Variants in ZDHHC20 observed in about 807,000 individuals in gnomAD.
ZDHHC20 encodes the protein zDHHC palmitoyltransferase 20.
Under a neutral mutation model 57.8 loss-of-function variants are expected in ZDHHC20, and 43 were observed. The observed-to-expected ratio is 0.74, with a 90% CI of 0.58 to 0.96. The LOEUF is 0.96. ZDHHC20 is among the 40% of genes least tolerant of loss of function. The pLI is 0.00. For synonymous variants in ZDHHC20, 157 were observed against 153.0 expected (o/e 1.03, Z -0.19); for missense variants, 391 against 441.1 (o/e 0.89, Z 1.02).
chr13:21,390,576 A>C (rs1206994087), intron 8 of ZDHHC20, among the ~76,000 whole-genome samples: 4 of 152,190 alleles, frequency 2.6e-5, no homozygotes, highest in Non-Finnish European at 5.9e-5. Context: ...ATGCCAGTTA[A>C]ATGTGTTTAA....
At chr13:21,442,236 T>A (rs910314563) in intron 1 of ZDHHC20, among the ~76,000 whole-genome samples, 4 of 152,224 alleles carry the variant, frequency 2.6e-5, no homozygotes, top group Admixed American at 2.6e-4. Context: ...CATTTTTTCC[T>A]CCAATCCTTT....
At chr13:21,381,963 T>G in intron 10 of ZDHHC20, 1 of 518,772 alleles carries the variant, frequency 1.9e-6, no homozygotes, top group South Asian at 1.4e-5. Flanking sequence ...GAAAAAATGA[T>G]TCAGTGATTT....
At chr13:21,445,186 T>C (rs1316052420) in intron 1 of ZDHHC20, among the ~76,000 whole-genome samples, 6 of 152,058 alleles carry the variant, frequency 3.9e-5, no homozygotes, top group Non-Finnish European at 7.4e-5. Context: ...TTATAACAAA[T>C]ATAATGAAAG....
chr13:21,424,021 C>CTTTGTT (rs950545114), intron 2 of ZDHHC20, among the ~76,000 whole-genome samples: 5 of 151,926 alleles, frequency 3.3e-5, no homozygotes, highest in Non-Finnish European at 5.9e-5. Context: ...TATTTCCTTT[C>CTTTGTT]TTCATGAAAA....
Position 21,433,022 on chromosome 13 carries a change from T to C in ZDHHC20, c.119-7344A>G, listed in dbSNP as rs569711563. Among the ~76,000 whole-genome samples, 11 of 152,378 alleles carry C rather than the reference T, an allele frequency of 7.2e-5. 1 individual carries two copies. The highest frequency in any genetic ancestry group is 2.1e-4 in the South Asian group (1 of 4,830). On this transcript the variant is annotated intron_variant, in intron 1 of 12. Coordinates refer to ENST00000400590, the MANE Select transcript of ZDHHC20 (RefSeq NM_001330059.2). ...CAGATACTACAGTCTTGATTACATA[T>C]AGCTTTCAGTAAATCTTGAAATCAG... is the stretch of plus-strand genomic sequence containing the variant.
intron 7 of ZDHHC20, among the ~76,000 whole-genome samples, chr13:21,392,568 A>C (rs1196536541): frequency 6.6e-6 from 1 of 152,208 alleles, no homozygotes; most frequent in Non-Finnish European, 1.5e-5. Flanking sequence ...AATGAATGAA[A>C]ACAGCTTCTC....
Position 21,381,408 on chromosome 13 carries a change from G to A in ZDHHC20, c.1060+26C>T, listed in dbSNP as rs901087555. ...GTGCTTTTCATTTGAACCAGACAAA[G>A]CAGTGTTTCAAATGAGAACTATTAC... On this transcript the variant is annotated intron_variant, in intron 11 of 12. Coordinates refer to ENST00000400590, the MANE Select transcript of ZDHHC20 (RefSeq NM_001330059.2). 6.6e-6 allele frequency: 10 copies of A among 1,512,586 alleles called. No homozygotes were observed. In the African/African-American group the frequency reaches 1.1e-4, roughly 17 times the overall value. The allele number at this position is 1,512,586 out of a possible 1,614,324, so 93.7% of individuals were successfully genotyped here.
intron 10 of ZDHHC20, among the ~76,000 whole-genome samples, chr13:21,382,638 T>TGCCCAA (rs1388662519): frequency 6.6e-6 from 1 of 152,212 alleles, no homozygotes; most frequent in Non-Finnish European, 1.5e-5. Flanking sequence ...CTCCCCAGCT[T>TGCCCAA]GCCCAGACAT....
At chr13:21,434,261 C>T (rs1415024252) in intron 1 of ZDHHC20, among the ~76,000 whole-genome samples, 1 of 152,136 alleles carries the variant, frequency 6.6e-6, no homozygotes, top group Admixed American at 6.5e-5. Flanking sequence ...ATTGAGAATT[C>T]TGGTTCTCAA....
In ZDHHC20 at chr13:21,378,731, A is replaced by G; in HGVS notation, c.1068T>C (p.Asn356=). The stretch of plus-strand genomic sequence containing the variant: ...TTTCTATTGCCACTGTTACATGGTT[A>G]TTTGTCCCTGTAAGCATATAATTAT... ...AEEGIVKSGT[N]NHVTVAIEN Residue 356 remains asparagine, a synonymous_variant, in exon 12 of 13, where the codon AAT becomes AAC. Transcript: ENST00000400590. 1 of 1,422,874 alleles carries G rather than the reference A, an allele frequency of 7.0e-7. No individual in the cohort carries two copies. Among genetic ancestry groups the G allele is most frequent in the Non-Finnish European group, 9.4e-7 (1 of 1,067,898 alleles). 88.1% of individuals were successfully genotyped at this position (1,422,874 alleles called of 1,614,324 possible).
intron 4 of ZDHHC20, among the ~76,000 whole-genome samples, chr13:21,404,155 GA>G (rs1878112009): frequency 2.0e-5 from 3 of 152,212 alleles, no homozygotes; most frequent in Admixed American, 6.5e-5. Context: ...TATATCCAGT[GA>G]AACACTATGC....
At chr13:21,377,050 C>A in intron 12 of ZDHHC20, 1 of 161,628 alleles carries the variant, frequency 6.2e-6, no homozygotes, top group Non-Finnish European at 1.3e-5. Flanking sequence ...ATTATTTCTG[C>A]CCACATTAAG....
chr13:21,454,574 G>GAA (rs1320685373), intron 1 of ZDHHC20, among the ~76,000 whole-genome samples: 4 of 151,792 alleles, frequency 2.6e-5, no homozygotes, highest in African/African-American at 9.7e-5. Context: ...CATTAATCTA[G>GAA]AAAAAGAGCA....
intron 1 of ZDHHC20, among the ~76,000 whole-genome samples, chr13:21,456,475 A>C (rs1593295093): frequency 6.6e-6 from 1 of 152,320 alleles, no homozygotes; most frequent in Non-Finnish European, 1.5e-5. Context: ...TTTTAAGTAA[A>C]ACTCACACTT....
Position 21,376,344 on chromosome 13 carries a change from A to G in ZDHHC20, c.*352T>C. ...GATACTTATTCTAATAATGTAATTC[A>G]GGTATCAAAAAATACATATGCATGT... On this transcript the variant is annotated 3_prime_UTR_variant, in exon 13 of 13. Transcript: ENST00000400590. The G allele has an allele frequency of 5.0e-6, 1 of 199,940 alleles. No homozygotes were observed. The highest frequency in any genetic ancestry group is 1.0e-5 in the Non-Finnish European group (1 of 99,684). The allele number at this position is 199,940 out of a possible 1,614,324, so 12.4% of individuals were successfully genotyped here.
chr13:21,400,588 G>A, intron 6 of ZDHHC20, 95 bp from the exon 7 acceptor site: 3 of 1,307,246 alleles, frequency 2.3e-6, no homozygotes, highest in South Asian at 1.4e-5. Flanking sequence ...GGCTGGTGTG[G>A]TGTGGGGAAG....
At chr13:21,378,564 T>G in intron 12 of ZDHHC20, 97 bp downstream of exon 12, 1 of 641,150 alleles carries the variant, frequency 1.6e-6, no homozygotes, top group Non-Finnish European at 2.3e-6. Flanking sequence ...CTGATATAAT[T>G]AAAAAGACTA....
intron 1 of ZDHHC20, among the ~76,000 whole-genome samples, chr13:21,430,972 C>A (rs907997679): frequency 1.2e-4 from 19 of 152,134 alleles, no homozygotes; most frequent in African/African-American, 4.6e-4. Flanking sequence ...CCTGCTTGTC[C>A]TTTTACTGCC....
At chr13:21,386,107 A>G (rs1404645107) in intron 9 of ZDHHC20, among the ~76,000 whole-genome samples, 1 of 152,246 alleles carries the variant, frequency 6.6e-6, no homozygotes, top group African/African-American at 2.4e-5. Flanking sequence ...AATCTTGAAT[A>G]CATGAGACAA....
Sources: allele counts gnomAD v4.1 joint callset (sites outside exome capture counted in the v4.1 genomes callset), GRCh38; gene constraint gnomAD v4.1.1; transcripts MANE v1.5; gene names NCBI Gene and HGNC (gene_info 2026-07-23, HGNC 2026-07-21).